SCAPER: variants seen among roughly 807,000 people sequenced by gnomAD.
SCAPER encodes the protein S phase cyclin A-associated protein in the endoplasmic reticulum.
A neutral mutation model predicts 182.2 loss-of-function variants in SCAPER; 98 were observed. That is an observed-to-expected ratio of 0.54 (90% confidence interval 0.46 to 0.64). SCAPER has a LOEUF of 0.64. Among genes scored for constraint, SCAPER ranks in the 30% least tolerant of loss-of-function variants. The pLI is 0.00. For missense variants in SCAPER, 1,432 were observed against 1,690.0 expected (o/e 0.85, Z 2.68); for synonymous variants, 605 against 564.6 (o/e 1.07, Z -1.01).
chr15:76,376,871 T>C (rs1266646893), intron 28 of SCAPER, among the ~76,000 whole-genome samples: 5 of 152,180 alleles, frequency 3.3e-5, no homozygotes, highest in Admixed American at 6.5e-5. Flanking sequence ...AAATTCTCCC[T>C]AAAACCATGA....
At chr15:76,534,574 G>A (rs1486208951) in intron 23 of SCAPER, among the ~76,000 whole-genome samples, 1 of 152,132 alleles carries the variant, frequency 6.6e-6, no homozygotes. Flanking sequence ...GTGATTTTAC[G>A]TGAAAGGGCA....
intron 20 of SCAPER, among the ~76,000 whole-genome samples, chr15:76,700,162 T>C (rs1021143997): frequency 6.6e-6 from 1 of 152,212 alleles, no homozygotes; most frequent in Non-Finnish European, 1.5e-5. Context: ...CGGATTACAC[T>C]GGCCCTGTCC....
chr15:76,682,117 C>A (rs1485862839), intron 20 of SCAPER, among the ~76,000 whole-genome samples: 1 of 152,120 alleles, frequency 6.6e-6, no homozygotes, highest in African/African-American at 2.4e-5. Context: ...TTCATCTGAC[C>A]ATCAGAGAGC....
chr15:76,841,633 CA>C, intron 5 of SCAPER, 100 bp downstream of exon 5: 1 of 1,242,576 alleles, frequency 8.0e-7, no homozygotes, highest in Non-Finnish European at 1.1e-6. Flanking sequence ...GGCGACAGAG[CA>C]AAACTCCATC....
At chr15:76,716,070 A>C (rs79707876) in intron 17 of SCAPER, among the ~76,000 whole-genome samples, 10 of 152,116 alleles carry the variant, frequency 6.6e-5, no homozygotes, top group Admixed American at 2.0e-4. Context: ...CCCCTCAATG[A>C]AGATTCCCTA....
At chr15:76,781,265 GA>G (rs2064115221) in intron 8 of SCAPER, among the ~76,000 whole-genome samples, 1 of 152,136 alleles carries the variant, frequency 6.6e-6, no homozygotes, top group Non-Finnish European at 1.5e-5. Context: ...TAGCGGATTC[GA>G]TCAAGTGGAA....
chr15:76,719,620 C>T (rs1405499434), intron 17 of SCAPER, among the ~76,000 whole-genome samples: 1 of 152,050 alleles, frequency 6.6e-6, no homozygotes, highest in East Asian at 1.9e-4. Context: ...CTATAGTAAA[C>T]CTTTTACTAT....
intron 5 of SCAPER, among the ~76,000 whole-genome samples, chr15:76,837,682 C>G (rs144243368): frequency 2.0e-5 from 3 of 152,062 alleles, no homozygotes; most frequent in Admixed American, 6.6e-5. Flanking sequence ...AAATGCAATA[C>G]GAAACTACAA....
chr15:76,557,921 G>A (rs1316866349), intron 23 of SCAPER, among the ~76,000 whole-genome samples: 5 of 152,042 alleles, frequency 3.3e-5, no homozygotes, highest in Non-Finnish European at 7.4e-5. Flanking sequence ...TGCAATAAAC[G>A]GTGCTGTGAC....
intron 27 of SCAPER, among the ~76,000 whole-genome samples, chr15:76,383,991 C>T (rs1314453230): frequency 6.6e-6 from 1 of 152,190 alleles, no homozygotes; most frequent in Non-Finnish European, 1.5e-5. Context: ...TTTACACAAA[C>T]TTCTGTTAGC....
At chr15:76,758,395 A>G (rs1247961142) in intron 14 of SCAPER, among the ~76,000 whole-genome samples, 1 of 152,092 alleles carries the variant, frequency 6.6e-6, no homozygotes, top group Non-Finnish European at 1.5e-5. Context: ...AGTTGCCCAT[A>G]ATTGCATAGG....
In SCAPER at chr15:76,873,959, T is replaced by C. The variant is rs149571091; in HGVS notation, c.6+9853A>G. On this transcript the variant is annotated intron_variant, in intron 2 of 31. Coordinates refer to ENST00000563290, the MANE Select transcript of SCAPER (RefSeq NM_020843.4). ...CCCAGGCTGGACTGCAGTAGTGCCATCTTGACTCACTGCAGCCTCTGCTTC... is the reference window on the plus strand; with the variant it reads ...CCCAGGCTGGACTGCAGTAGTGCCACCTTGACTCACTGCAGCCTCTGCTTC... 3.0e-3 allele frequency among the ~76,000 whole-genome samples: 462 copies of C among 152,082 alleles called. 3 individuals carry two copies. Among genetic ancestry groups the C allele is most frequent in the Middle Eastern group, 0.017 (5 of 294 alleles).
At chr15:76,358,712 G>A (rs2041181088) in intron 29 of SCAPER, among the ~76,000 whole-genome samples, 2 of 152,332 alleles carry the variant, frequency 1.3e-5, no homozygotes, top group South Asian at 4.1e-4. Context: ...TACATTGCAG[G>A]TTAGGGCTTT....
At chr15:76,421,838 A>G (rs1369596474) in intron 26 of SCAPER, among the ~76,000 whole-genome samples, 1 of 152,210 alleles carries the variant, frequency 6.6e-6, no homozygotes, top group African/African-American at 2.4e-5. Flanking sequence ...CTTTCTACAT[A>G]TGGCTAGCCA....
intron 31 of SCAPER, 98 bp downstream of exon 31, chr15:76,351,139 A>G: frequency 9.7e-7 from 1 of 1,035,640 alleles, no homozygotes; most frequent in Non-Finnish European, 1.4e-6. Context: ...GGTTATGTAT[A>G]AAATTTTACA....
At chr15:76,801,402 C>T (rs993997865) in intron 6 of SCAPER, among the ~76,000 whole-genome samples, 11 of 152,148 alleles carry the variant, frequency 7.2e-5, no homozygotes, top group East Asian at 1.9e-4. Context: ...AGTCCTCACA[C>T]GCAAAACAAA....
intron 21 of SCAPER, among the ~76,000 whole-genome samples, chr15:76,658,930 A>C (rs2055892977): frequency 6.6e-6 from 1 of 152,238 alleles, no homozygotes; most frequent in African/African-American, 2.4e-5. Context: ...AAGATGGATT[A>C]AATAACTTAA....
At chr15:76,766,435 T>A (rs1167483091) in intron 11 of SCAPER, among the ~76,000 whole-genome samples, 4 of 152,152 alleles carry the variant, frequency 2.6e-5, no homozygotes, top group African/African-American at 9.7e-5. Flanking sequence ...ATACCTTAGC[T>A]TCATCTTCAC....
chr15:76,459,275 C>A (rs535508508), intron 25 of SCAPER, among the ~76,000 whole-genome samples: 4 of 152,166 alleles, frequency 2.6e-5, no homozygotes, highest in Non-Finnish European at 5.9e-5. Context: ...CTTGACGTAA[C>A]GACTTCCAGT....
Sources: allele counts gnomAD v4.1 joint callset (sites outside exome capture counted in the v4.1 genomes callset), GRCh38; gene constraint gnomAD v4.1.1; transcripts MANE v1.5; gene names NCBI Gene and HGNC (gene_info 2026-07-23, HGNC 2026-07-21).